The following CARMIL1 variants were observed in gnomAD, a reference collection of about 807,000 sequenced individuals.
CARMIL1 encodes the protein capping protein regulator and myosin 1 linker 1.
In CARMIL1, 90 loss-of-function variants were observed where a neutral mutation model predicts 177.1. The ratio of observed to expected loss-of-function variants is 0.51; its 90% confidence interval spans 0.43 to 0.61. The LOEUF (loss-of-function observed/expected upper bound fraction) is 0.61. Ranked by LOEUF, CARMIL1 falls within the 20% of genes least tolerant of loss-of-function variation. The pLI is 0.00. For synonymous variants in CARMIL1, 577 were observed against 606.2 expected (o/e 0.95, Z 0.71); for missense variants, 1,380 against 1,667.0 (o/e 0.83, Z 3.00).
chr6:25,452,204 A>G (rs1193125833), intron 8 of CARMIL1: 3 of 764,532 alleles, frequency 3.9e-6, no homozygotes, highest in East Asian at 2.4e-5. Flanking sequence ...TGATGGGCCT[A>G]AAGCCTCCAG....
chr6:25,307,075 T>G (rs1783333729), intron 2 of CARMIL1, among the ~76,000 whole-genome samples: 1 of 152,112 alleles, frequency 6.6e-6, no homozygotes, highest in Non-Finnish European at 1.5e-5. Flanking sequence ...GAGACAGGTT[T>G]TCACCATGTT....
chr6:25,340,335 A>G (rs1359354388), intron 2 of CARMIL1, among the ~76,000 whole-genome samples: 2 of 152,228 alleles, frequency 1.3e-5, no homozygotes, highest in Non-Finnish European at 2.9e-5. Flanking sequence ...ATGCCTTTTA[A>G]AATGATTGCT....
intron 29 of CARMIL1, among the ~76,000 whole-genome samples, chr6:25,559,029 G>C (rs1166201723): frequency 5.9e-5 from 9 of 152,298 alleles, no homozygotes; most frequent in African/African-American, 1.2e-4. Flanking sequence ...AAAAGTGCAA[G>C]TCGGGATTTT....
intron 9 of CARMIL1, among the ~76,000 whole-genome samples, chr6:25,466,287 T>C (rs529103751): frequency 6.6e-6 from 1 of 152,204 alleles, no homozygotes; most frequent in Non-Finnish European, 1.5e-5. Flanking sequence ...TATATTCCTA[T>C]CTTACACTCT....
intron 9 of CARMIL1, among the ~76,000 whole-genome samples, chr6:25,466,760 G>C (rs557588185): frequency 1.3e-5 from 2 of 152,272 alleles, no homozygotes; most frequent in African/African-American, 4.8e-5. Flanking sequence ...AGGCGACTTG[G>C]TTCTCTGAAT....
Position 25,619,721 on chromosome 6 carries a change from C to T in CARMIL1, c.*138C>T, listed in dbSNP as rs879134469. On this transcript the variant is annotated 3_prime_UTR_variant, in exon 37 of 37. Coordinates refer to ENST00000329474, the MANE Select transcript of CARMIL1 (RefSeq NM_017640.6). ...TCTTTTTCTTTATTTCGCCCCCACC[C>T]CCATCCCCTGCCTTTTTTTTTTTTT... is the stretch of plus-strand genomic sequence containing the variant. 4.3e-6 allele frequency: 3 copies of T among 701,204 alleles called. No homozygotes were observed. The South Asian group carries it at 1.1e-4, about 25-fold the overall frequency. The allele number at this position is 701,204 out of a possible 1,614,324, so 43.4% of individuals were successfully genotyped here.
At chr6:25,494,487 T>C (rs975069700) in intron 15 of CARMIL1, among the ~76,000 whole-genome samples, 2 of 152,242 alleles carry the variant, frequency 1.3e-5, no homozygotes, top group African/African-American at 4.8e-5. Context: ...CCACATACTT[T>C]TCTCTGTAAT....
chr6:25,496,472 CA>C (rs34420791), intron 16 of CARMIL1, among the ~76,000 whole-genome samples: 35 of 101,562 alleles, frequency 3.4e-4, no homozygotes, highest in Admixed American at 6.6e-4. Context: ...GACTCCATCT[CA>C]AAAAAAAAAA....
chr6:25,600,301 G>T lies in CARMIL1; in HGVS notation c.3120-13G>T, dbSNP rs1199779635. 6.3e-7 allele frequency: 1 copy of T among 1,596,014 alleles called. No homozygotes were observed. Among genetic ancestry groups the T allele is most frequent in the East Asian group, 2.2e-5 (1 of 44,762 alleles). On this transcript the variant is annotated splice_polypyrimidine_tract_variant and intron_variant, in intron 32 of 36. Transcript: ENST00000329474. ...GTAAAAACAACAGATCTGTGTCTTG[G>T]TTTGAAATGCAGGAAATGGTCAACA...
chr6:25,465,284 G>T (rs1256756838), intron 8 of CARMIL1, among the ~76,000 whole-genome samples: 2 of 152,066 alleles, frequency 1.3e-5, no homozygotes, highest in Admixed American at 1.3e-4. Flanking sequence ...CAGCACTTTG[G>T]GTGGGGGCCA....
intron 2 of CARMIL1, among the ~76,000 whole-genome samples, chr6:25,418,879 C>T (rs1795597899): frequency 6.6e-6 from 1 of 152,222 alleles, no homozygotes; most frequent in Non-Finnish European, 1.5e-5. Flanking sequence ...ATCACACTCT[C>T]CCAGCCAGTG....
At chr6:25,493,262 G>A (rs971750894) in intron 15 of CARMIL1, among the ~76,000 whole-genome samples, 4 of 152,172 alleles carry the variant, frequency 2.6e-5, no homozygotes, top group African/African-American at 9.7e-5. Flanking sequence ...TCTTCCACAT[G>A]AAAGGTTGTT....
chr6:25,399,171 G>A (rs189578274), intron 2 of CARMIL1, among the ~76,000 whole-genome samples: 4 of 152,334 alleles, frequency 2.6e-5, no homozygotes, highest in African/African-American at 9.6e-5. Context: ...AGGATGCACA[G>A]CCTTTTGTGG....
chr6:25,473,909 A>G (rs1025553463), intron 11 of CARMIL1, among the ~76,000 whole-genome samples: 9 of 152,182 alleles, frequency 5.9e-5, no homozygotes, highest in African/African-American at 2.2e-4. Context: ...AAGTGTTTGC[A>G]TGGGTAGAGA....
intron 2 of CARMIL1, among the ~76,000 whole-genome samples, chr6:25,293,575 C>A (rs1056220167): frequency 2.6e-5 from 4 of 151,710 alleles, no homozygotes; most frequent in Non-Finnish European, 4.4e-5. Flanking sequence ...GATGGGGTCT[C>A]ACTTTGTTGC....
intron 12 of CARMIL1, among the ~76,000 whole-genome samples, chr6:25,487,582 G>T (rs891397680): frequency 2.0e-5 from 3 of 152,086 alleles, no homozygotes; most frequent in Admixed American, 1.3e-4. Context: ...TTGCTATCTC[G>T]CACATTCCCA....
At chr6:25,549,588 C>G (rs1809867345) in intron 26 of CARMIL1, among the ~76,000 whole-genome samples, 1 of 152,170 alleles carries the variant, frequency 6.6e-6, no homozygotes, top group Non-Finnish European at 1.5e-5. Context: ...CGGCTGCCTC[C>G]CTCCTCTCTT....
intron 7 of CARMIL1, 58 bp from the exon 8 acceptor site, chr6:25,450,580 C>T: frequency 8.8e-7 from 1 of 1,139,838 alleles, no homozygotes; most frequent in East Asian, 2.4e-5. Flanking sequence ...CACTGTCTCT[C>T]TTGCTTTCCT....
chr6:25,441,337 A>ATATATATATATATATGTGTGTGTGTG, intron 5 of CARMIL1, among the ~76,000 whole-genome samples: 3 of 94,536 alleles, frequency 3.2e-5, no homozygotes, highest in South Asian at 4.1e-4. Flanking sequence ...ATATATATAT[A>ATATATATATATATATGTGTGTGTGTG]TGTGTGTGTG....
Sources: gnomAD v4.1 joint callset for allele counts (sites outside exome capture counted in the v4.1 genomes callset) on GRCh38, gnomAD v4.1.1 for gene constraint, MANE v1.5 for transcripts, NCBI Gene and HGNC (gene_info 2026-07-23, HGNC 2026-07-21) for gene names.